The following TTC28 variants were observed in gnomAD, a reference collection of about 807,000 sequenced individuals.
TTC28 encodes the protein tetratricopeptide repeat protein 28.
A neutral mutation model predicts 198.0 loss-of-function variants in TTC28; 61 were observed. The observed-to-expected ratio is 0.31, with a 90% confidence interval of 0.25 to 0.38. The LOEUF (loss-of-function observed/expected upper bound fraction) is 0.38. Ranked by LOEUF, TTC28 falls within the 10% of genes least tolerant of loss-of-function variation. The pLI is 1.00. For missense variants in TTC28, 2,678 were observed against 3,164.0 expected, an observed-to-expected ratio of 0.85 and a Z score of 3.69; for synonymous variants, 1,171 against 1,297.8, an observed-to-expected ratio of 0.90 and a Z score of 2.10.
intron 5 of TTC28, among the ~76,000 whole-genome samples, chr22:28,279,590 T>C (rs1462204224): frequency 6.6e-6 from 1 of 152,198 alleles, no homozygotes; most frequent in East Asian, 1.9e-4. Flanking sequence ...CAGGCTGGTC[T>C]CGAACTTCTT....
intron 2 of TTC28, among the ~76,000 whole-genome samples, chr22:28,425,086 A>G: frequency 6.6e-6 from 1 of 152,242 alleles, no homozygotes; most frequent in East Asian, 1.9e-4. Context: ...TTACATTTCT[A>G]AAACACAGTT....
intron 12 of TTC28, among the ~76,000 whole-genome samples, chr22:28,036,078 TCAA>T (rs1451371758): frequency 6.6e-6 from 1 of 152,084 alleles, no homozygotes; most frequent in Non-Finnish European, 1.5e-5. Flanking sequence ...ATTAGACAGA[TCAA>T]CGAGACAGAA....
intron 1 of TTC28, among the ~76,000 whole-genome samples, chr22:28,644,260 G>T (rs919977910): frequency 6.6e-6 from 1 of 151,956 alleles, no homozygotes; most frequent in Admixed American, 6.6e-5. Flanking sequence ...TTAGCCGGGC[G>T]TGGTGGCAGG....
At chr22:28,629,904 G>A in intron 1 of TTC28, 74 bp from the exon 2 acceptor site, 2 of 1,312,720 alleles carry the variant, frequency 1.5e-6, no homozygotes, top group South Asian at 1.5e-5. Context: ...AGATTTGGAT[G>A]TCTGTCCCCT....
chr22:28,606,328 A>G (rs1241520352), intron 2 of TTC28, among the ~76,000 whole-genome samples: 1 of 152,040 alleles, frequency 6.6e-6, no homozygotes, highest in African/African-American at 2.4e-5. Flanking sequence ...TGACCTCGCG[A>G]TCCACCTGCC....
At chr22:28,282,753 A>G (rs897910904) in intron 5 of TTC28, among the ~76,000 whole-genome samples, 2 of 152,198 alleles carry the variant, frequency 1.3e-5, no homozygotes, top group African/African-American at 2.4e-5. Flanking sequence ...TCTACTCTAC[A>G]TATGAAGAGA....
intron 5 of TTC28, among the ~76,000 whole-genome samples, chr22:28,186,193 C>G (rs1221404511): frequency 6.6e-6 from 1 of 152,084 alleles, no homozygotes; most frequent in Non-Finnish European, 1.5e-5. Context: ...TTTTGAGCAA[C>G]ATACCATTTT....
chr22:28,276,749 T>C (rs1246961976), intron 5 of TTC28, among the ~76,000 whole-genome samples: 1 of 152,180 alleles, frequency 6.6e-6, no homozygotes, highest in Non-Finnish European at 1.5e-5. Flanking sequence ...ATCACAAAAC[T>C]AGATTAAGTG....
chr22:28,645,973 C>T (rs1245361434), intron 1 of TTC28, among the ~76,000 whole-genome samples: 3 of 151,870 alleles, frequency 2.0e-5, no homozygotes, highest in African/African-American at 4.8e-5. Context: ...ACATACTGAA[C>T]GGGGAAAAGT....
chr22:28,035,506 C>A (rs1229268408), intron 12 of TTC28, among the ~76,000 whole-genome samples: 2 of 152,202 alleles, frequency 1.3e-5, no homozygotes, highest in South Asian at 2.1e-4. Context: ...TGTGCCAGCA[C>A]CCTATGTTGC....
At chr22:28,493,185 G>T (rs2048402485) in intron 2 of TTC28, among the ~76,000 whole-genome samples, 1 of 151,898 alleles carries the variant, frequency 6.6e-6, no homozygotes. Flanking sequence ...GTGAGACCCT[G>T]CCTCTACTAA....
At chr22:28,488,878 A>G (rs2048341994) in intron 2 of TTC28, among the ~76,000 whole-genome samples, 2 of 152,226 alleles carry the variant, frequency 1.3e-5, no homozygotes, top group African/African-American at 2.4e-5. Context: ...CCATGTAAGG[A>G]AACAAGCCAC....
At chr22:28,426,268 T>C (rs1464584615) in intron 2 of TTC28, among the ~76,000 whole-genome samples, 1 of 151,642 alleles carries the variant, frequency 6.6e-6, no homozygotes, top group Non-Finnish European at 1.5e-5. Flanking sequence ...TAGTAAATAT[T>C]TGTTCAATGA....
intron 15 of TTC28, 167 bp from the exon 16 acceptor site, chr22:27,999,427 C>T: frequency 9.6e-7 from 1 of 1,039,204 alleles, no homozygotes. Context: ...CTTTTTGACA[C>T]AGGTGCCTAA....
chr22:28,280,450 T>C (rs2044563614), intron 5 of TTC28, among the ~76,000 whole-genome samples: 6 of 152,104 alleles, frequency 3.9e-5, no homozygotes, highest in Admixed American at 3.9e-4. Flanking sequence ...GCGATTCTCC[T>C]GCCTCAGCCT....
chr22:28,571,979 A>C (rs1227044801), intron 2 of TTC28, among the ~76,000 whole-genome samples: 1 of 151,730 alleles, frequency 6.6e-6, no homozygotes, highest in Non-Finnish European at 1.5e-5. Context: ...CAAACAAAAA[A>C]AAAACCGATA....
intron 2 of TTC28, among the ~76,000 whole-genome samples, chr22:28,417,863 C>A (rs991069140): frequency 2.0e-5 from 3 of 152,152 alleles, no homozygotes; most frequent in African/African-American, 7.2e-5. Flanking sequence ...CAAAAGCCAG[C>A]AATTACTGTG....
chr22:28,516,695 C>T (rs1427833299), intron 2 of TTC28, among the ~76,000 whole-genome samples: 1 of 151,954 alleles, frequency 6.6e-6, no homozygotes. Context: ...ACCAACATGG[C>T]ACATGTATAC....
At chr22:28,515,121 AAAT>A (rs902946326) in intron 2 of TTC28, among the ~76,000 whole-genome samples, 1 of 152,244 alleles carries the variant, frequency 6.6e-6, no homozygotes, top group African/African-American at 2.4e-5. Flanking sequence ...TGCAAGTTGT[AAAT>A]AATAATTCAT....
Sources: allele counts gnomAD v4.1 joint callset (sites outside exome capture counted in the v4.1 genomes callset), GRCh38; gene constraint gnomAD v4.1.1; transcripts MANE v1.5; gene names NCBI Gene and HGNC (gene_info 2026-07-23, HGNC 2026-07-21).